The following TAB1 variants were observed in gnomAD, a reference collection of about 807,000 sequenced individuals.
TAB1 encodes the protein TGF-beta-activated kinase 1 and MAP3K7-binding protein 1.
A neutral mutation model predicts 54.5 loss-of-function variants in TAB1; 30 were observed. The ratio of observed to expected loss-of-function variants is 0.55; its 90% CI spans 0.41 to 0.75. TAB1 has a LOEUF of 0.75. TAB1 is among the 30% of genes least tolerant of loss of function. TAB1 has a pLI of 0.00. For missense variants in TAB1, 609 were observed against 683.2 expected (o/e 0.89, Z 1.21); for synonymous variants, 289 against 286.9 (o/e 1.01, Z -0.07).
chr22:39,415,520 T>C lies in TAB1; in HGVS notation c.191T>C (p.Leu64Pro). The C allele has an allele frequency of 6.2e-7, 1 of 1,614,190 alleles. No homozygotes were observed. The change falls in exon 3 of 11, where the codon CTG becomes CCG. Residue 64 changes from leucine (L) to proline (P), a missense_variant. Leu to Pro is a moderately conservative substitution (Grantham distance 98, BLOSUM62 -3). Transcript: ENST00000216160. This position sits in a 1 kb window ranked among gnomAD's most constrained non-coding sequence, Gnocchi z 4.9. ...LKFRSENNCF[L>P]YGVFNGYDGN... ...TCCAGGAGTGAGAACAACTGCTTCC[T>C]GTATGGGGTCTTCAACGGCTATGAT... is the stretch of plus-strand genomic sequence containing the variant.
intron 6 of TAB1, among the ~76,000 whole-genome samples, chr22:39,419,309 G>A (rs562167613): frequency 6.4e-4 from 97 of 152,304 alleles, no homozygotes; most frequent in African/African-American, 2.2e-3. Context: ...CCTGGAGGAC[G>A]GGCTCTGAGT....
chr22:39,433,907 T>C (rs752294628), downstream of TAB1: 53 of 794,620 alleles, frequency 6.7e-5, no homozygotes, highest in Admixed American at 3.3e-4. Flanking sequence ...CGTCTCCCTG[T>C]TGTTTCCTCC....
chr22:39,399,867 G>T (rs1445945119), intron 1 of TAB1, 32 bp downstream of exon 1: 1 of 1,582,658 alleles, frequency 6.3e-7, no homozygotes, highest in Non-Finnish European at 8.6e-7. Flanking sequence ...TGGGCTTGGG[G>T]TTGGGAGCCT....
chr22:39,410,336 G>A (rs1040914970), intron 1 of TAB1, among the ~76,000 whole-genome samples: 1 of 152,148 alleles, frequency 6.6e-6, no homozygotes, highest in Non-Finnish European at 1.5e-5. Context: ...TCAAACTCCT[G>A]ACCTCAAGTG....
intron 10 of TAB1, 57 bp downstream of exon 10, chr22:39,428,240 T>G: frequency 7.9e-7 from 1 of 1,258,628 alleles, no homozygotes; most frequent in Non-Finnish European, 1.1e-6. Flanking sequence ...GTGTGTCCTG[T>G]GGCACCAGGA....
At position 39,430,432 on chromosome 22, in the gene TAB1, G is replaced by T; in HGVS notation, c.*210G>T. On this transcript the variant is annotated 3_prime_UTR_variant, in exon 11 of 11. Coordinates refer to ENST00000216160, the MANE Select transcript of TAB1 (RefSeq NM_006116.3). ...CTTGTCACCACCCGGGAAGCTGAAG[G>T]CCACTTCCTCCCAGATGGCCTCAGC... The T allele has an allele frequency of 7.0e-7, 1 of 1,426,874 alleles. No individual in the cohort carries two copies. The highest frequency in any genetic ancestry group is 9.2e-7 in the Non-Finnish European group (1 of 1,091,636). The allele number at this position is 1,426,874 out of a possible 1,614,324, so 88.4% of individuals were successfully genotyped here. A position where few individuals can be genotyped will look rare whatever the true frequency, so the allele number is the denominator to read the frequency against.
chr22:39,426,865 G>C lies in TAB1; in HGVS notation c.1084G>C (p.Val362Leu). 6.2e-7 allele frequency: 1 copy of C among 1,613,440 alleles called. No individual in the cohort carries two copies. Among genetic ancestry groups the C allele is most frequent in the Non-Finnish European group, 8.5e-7 (1 of 1,179,994 alleles). Residue 362 changes from valine (V) to leucine (L), a missense_variant, in exon 9 of 11, where the codon GTG (valine) becomes CTG (leucine). By Grantham distance (32) the Val-to-Leu change is conservative (BLOSUM62 1). Transcript: ENST00000216160. The part of the protein sequence containing the change: ...CPRHEDMTLL[V>L]RNFGYPLGEM... ...CCGGCACGAGGACATGACCCTGCTAGTGAGGAACTTTGGCTACCCGCTGGG... is the reference window on the plus strand; with the variant it reads ...CCGGCACGAGGACATGACCCTGCTACTGAGGAACTTTGGCTACCCGCTGGG...
chr22:39,404,352 G>A (rs1926273379), intron 1 of TAB1, among the ~76,000 whole-genome samples: 1 of 152,138 alleles, frequency 6.6e-6, no homozygotes, highest in African/African-American at 2.4e-5. Context: ...GGGAGGCTGA[G>A]GCAGGAGGAT....
chr22:39,401,034 CAAAAAAA>C (rs566248298), intron 1 of TAB1, among the ~76,000 whole-genome samples: 2 of 45,714 alleles, frequency 4.4e-5, no homozygotes, highest in East Asian at 5.3e-4. Context: ...GACTGTGTCT[CAAAAAAA>C]AAAAAAAAAA....
intron 3 of TAB1, among the ~76,000 whole-genome samples, chr22:39,416,538 C>T (rs1057462587): frequency 1.3e-5 from 2 of 152,266 alleles, no homozygotes; most frequent in African/African-American, 2.4e-5. Flanking sequence ...GCCTCCCAGC[C>T]GTCTGCAGTG....
intron 7 of TAB1, 142 bp from the exon 8 acceptor site, chr22:39,421,685 T>C: frequency 1.1e-6 from 1 of 914,842 alleles, no homozygotes; most frequent in Non-Finnish European, 1.6e-6. Flanking sequence ...TTTCTGACCT[T>C]CTCTTTCTCT....
At chr22:39,432,894 G>A, downstream of TAB1, 1 of 985,434 alleles carries the variant, frequency 1.0e-6, no homozygotes. Context: ...TCATCTAAGA[G>A]GGGAAGCTCG....
At chr22:39,416,943 C>T in intron 4 of TAB1, 66 bp downstream of exon 4, 4 of 1,485,300 alleles carry the variant, frequency 2.7e-6, no homozygotes, top group Non-Finnish European at 3.7e-6. Flanking sequence ...AGCATGGACT[C>T]ATCTACTTTC....
At chr22:39,432,062 A>T (rs975692069), downstream of TAB1, among the ~76,000 whole-genome samples, 17 of 150,456 alleles carry the variant, frequency 1.1e-4, no homozygotes, top group African/African-American at 4.1e-4. Flanking sequence ...CCCCGGGGAA[A>T]CATGGCTTGC....
downstream of TAB1, among the ~76,000 whole-genome samples, chr22:39,435,360 G>A (rs1424062022): frequency 9.2e-5 from 14 of 152,110 alleles, no homozygotes; most frequent in South Asian, 2.1e-3. Flanking sequence ...GCAGGTCCCC[G>A]GCTGCCGGGC....
At chr22:39,422,220 G>A (rs1342466850) in intron 8 of TAB1, among the ~76,000 whole-genome samples, 2 of 152,038 alleles carry the variant, frequency 1.3e-5, no homozygotes, top group Non-Finnish European at 2.9e-5. Flanking sequence ...AGGGGGAGAT[G>A]GATGTGAATT....
chr22:39,412,773 C>T (rs1926660191), intron 1 of TAB1, among the ~76,000 whole-genome samples: 1 of 151,684 alleles, frequency 6.6e-6, no homozygotes. Flanking sequence ...GAAGACTTAA[C>T]AATAACTTTT....
At chr22:39,401,094 CTT>C (rs1490529199) in intron 1 of TAB1, among the ~76,000 whole-genome samples, 1 of 150,730 alleles carries the variant, frequency 6.6e-6, no homozygotes, top group Non-Finnish European at 1.5e-5. Context: ...CCTGTGATCT[CTT>C]GTTTACCGCT....
chr22:39,403,789 C>A (rs1242620625), intron 1 of TAB1, among the ~76,000 whole-genome samples: 1 of 152,002 alleles, frequency 6.6e-6, no homozygotes, highest in Non-Finnish European at 1.5e-5. Context: ...CAGGCACCCA[C>A]CACCACACCC....
Sources: gnomAD v4.1 joint callset for allele counts (sites outside exome capture counted in the v4.1 genomes callset) on GRCh38, gnomAD v4.1.1 for gene constraint, Gnocchi (gnomAD v3.1) non-coding constraint, MANE v1.5 for transcripts, NCBI Gene and HGNC (gene_info 2026-07-23, HGNC 2026-07-21) for gene names.